Variants in RBM20 observed in about 807,000 individuals in gnomAD.
The protein encoded by RBM20 is RNA binding motif protein 20, also known as RNA-binding protein 20.
Under a neutral mutation model 110.1 loss-of-function variants are expected in RBM20, and 51 were observed. The observed-to-expected ratio is 0.46, with a 90% CI of 0.37 to 0.59. RBM20 has a LOEUF of 0.59. RBM20 is among the 20% of genes least tolerant of loss of function. RBM20 has a pLI of 0.00. For missense variants in RBM20, 1,512 were observed against 1,574.9 expected, an observed-to-expected ratio of 0.96 and a Z score of 0.68; for synonymous variants, 589 against 618.2, an observed-to-expected ratio of 0.95 and a Z score of 0.70.
chr10:110,782,881 T>A (rs981966784), intron 2 of RBM20, among the ~76,000 whole-genome samples: 1 of 152,240 alleles, frequency 6.6e-6, no homozygotes, highest in Non-Finnish European at 1.5e-5. Flanking sequence ...ACATGCCCTC[T>A]GACCTCTAGT....
intron 1 of RBM20, among the ~76,000 whole-genome samples, chr10:110,728,426 C>CT (rs201202810): frequency 1.4e-4 from 21 of 151,688 alleles, no homozygotes; most frequent in South Asian, 4.2e-4. Context: ...AAAAGCCACA[C>CT]TTTTTTTTTG....
chr10:110,680,684 G>A (rs1242580135), intron 1 of RBM20, among the ~76,000 whole-genome samples: 1 of 152,172 alleles, frequency 6.6e-6, no homozygotes, highest in East Asian at 1.9e-4. Context: ...GTGCACGCCT[G>A]GGGGAGGCTG....
At chr10:110,670,930 C>A (rs961665520) in intron 1 of RBM20, among the ~76,000 whole-genome samples, 57 of 152,182 alleles carry the variant, frequency 3.7e-4, no homozygotes, top group African/African-American at 1.2e-3. Context: ...GTTTTACATT[C>A]TATTTTCCTG....
At chr10:110,717,887 C>G (rs530315766) in intron 1 of RBM20, among the ~76,000 whole-genome samples, 1 of 152,374 alleles carries the variant, frequency 6.6e-6, no homozygotes, top group East Asian at 1.9e-4. Context: ...AGGGAGGAGC[C>G]TCATTCTCAA....
At chr10:110,802,605 T>G (rs936902314) in intron 7 of RBM20, among the ~76,000 whole-genome samples, 2 of 152,162 alleles carry the variant, frequency 1.3e-5, no homozygotes, top group African/African-American at 4.8e-5. Flanking sequence ...GCTTCTTAAA[T>G]TAAAGTACCA....
chr10:110,718,958 G>A (rs538732726), intron 1 of RBM20, among the ~76,000 whole-genome samples: 10 of 152,290 alleles, frequency 6.6e-5, no homozygotes, highest in African/African-American at 2.4e-4. Context: ...AGATTTGATA[G>A]CATAGTTAAT....
chr10:110,725,980 G>A (rs1412539552), intron 1 of RBM20, among the ~76,000 whole-genome samples: 1 of 151,350 alleles, frequency 6.6e-6, no homozygotes, highest in Non-Finnish European at 1.5e-5. Flanking sequence ...GTGCTGAGCA[G>A]ATGGACCCCA....
In RBM20 at chr10:110,669,712, G is replaced by A. The variant is rs138221551; in HGVS notation, c.191+25067G>A. ...GTTGGGATTACAGGCATGAGCCACT[G>A]TATCTGGCCTGGTTGTAGTACATTT... is the stretch of plus-strand genomic sequence containing the variant. On this transcript the variant is annotated intron_variant, in intron 1 of 13. Transcript: ENST00000369519. Among the ~76,000 whole-genome samples the A allele has an allele frequency of 1.1e-3, 160 of 152,360 alleles. 1 individual carries two copies. The highest frequency in any genetic ancestry group is 3.7e-3 in the African/African-American group (153 of 41,580).
intron 1 of RBM20, among the ~76,000 whole-genome samples, chr10:110,709,732 A>T (rs562703060): frequency 6.6e-6 from 1 of 150,848 alleles, no homozygotes; most frequent in Admixed American, 6.6e-5. Flanking sequence ...ATGCCTGGCT[A>T]TTTTGTTTTT....
At chr10:110,690,793 C>T (rs1396129506) in intron 1 of RBM20, among the ~76,000 whole-genome samples, 1 of 152,156 alleles carries the variant, frequency 6.6e-6, no homozygotes, top group Non-Finnish European at 1.5e-5. Context: ...TTTAGTTATC[C>T]ATTCATCTGT....
At chr10:110,647,489 A>C (rs1425841435) in intron 1 of RBM20, among the ~76,000 whole-genome samples, 1 of 152,208 alleles carries the variant, frequency 6.6e-6, no homozygotes, top group Admixed American at 6.5e-5. Context: ...TTAAATATGC[A>C]TTCTCCAAAT....
intron 12 of RBM20, among the ~76,000 whole-genome samples, chr10:110,826,022 G>T (rs894390201): frequency 3.9e-5 from 6 of 152,170 alleles, no homozygotes; most frequent in African/African-American, 1.4e-4. Flanking sequence ...GTATGCCAGT[G>T]TTCCTGTGGG....
intron 1 of RBM20, among the ~76,000 whole-genome samples, chr10:110,759,835 A>G (rs80074900): frequency 0.02 from 3,100 of 152,344 alleles, 101 homozygotes; most frequent in African/African-American, 0.071. Flanking sequence ...ACATAGCCCA[A>G]GAAAAAACAA....
chr10:110,725,038 C>T (rs959989443), intron 1 of RBM20, among the ~76,000 whole-genome samples: 1 of 152,162 alleles, frequency 6.6e-6, no homozygotes, highest in Non-Finnish European at 1.5e-5. Flanking sequence ...TCACTGAGCT[C>T]TATTAAGCAA....
chr10:110,769,808 C>G (rs1844161422), intron 1 of RBM20, among the ~76,000 whole-genome samples: 1 of 151,788 alleles, frequency 6.6e-6, no homozygotes, highest in Non-Finnish European at 1.5e-5. Context: ...AACCTCAAAA[C>G]CCAGGGCTCA....
chr10:110,763,659 C>A (rs1030635211), intron 1 of RBM20, among the ~76,000 whole-genome samples: 3 of 151,536 alleles, frequency 2.0e-5, no homozygotes, highest in Admixed American at 6.6e-5. Flanking sequence ...ACGGTGGCTC[C>A]TCGGAAGAAA....
intron 1 of RBM20, among the ~76,000 whole-genome samples, chr10:110,690,422 AC>A (rs1415340617): frequency 6.6e-6 from 1 of 152,188 alleles, no homozygotes; most frequent in African/African-American, 2.4e-5. Context: ...AAACAAAAAA[AC>A]AAAACCTGTA....
intron 6 of RBM20, 39 bp from the exon 7 acceptor site, chr10:110,799,748 A>C (rs1844597324): frequency 1.3e-6 from 2 of 1,537,082 alleles, no homozygotes; most frequent in Non-Finnish European, 8.8e-7. Flanking sequence ...TAAGACCATT[A>C]AAGTCAAGTC....
intron 1 of RBM20, among the ~76,000 whole-genome samples, chr10:110,676,054 C>A (rs191409960): frequency 2.0e-5 from 3 of 152,164 alleles, no homozygotes; most frequent in South Asian, 2.1e-4. Context: ...GGATAGTGGG[C>A]GCTGGATTTC....
Sources: gnomAD v4.1 joint callset for allele counts (sites outside exome capture counted in the v4.1 genomes callset) on GRCh38, gnomAD v4.1.1 for gene constraint, MANE v1.5 for transcripts, NCBI Gene and HGNC (gene_info 2026-07-23, HGNC 2026-07-21) for gene names.